CFAP44: variants seen among roughly 807,000 people sequenced by gnomAD.
The protein encoded by CFAP44 is cilia and flagella associated protein 44.
A neutral mutation model predicts 216.2 loss-of-function variants in CFAP44; 134 were observed. That is an observed-to-expected ratio of 0.62 (90% CI 0.54 to 0.72). CFAP44 has a LOEUF of 0.72. Among genes scored for constraint, CFAP44 ranks in the 30% least tolerant of loss-of-function variants. The probability of loss-of-function intolerance (pLI) is 0.00; values close to 1 mark genes in which losing one functional copy is unlikely to be tolerated. For missense variants in CFAP44, 2,035 were observed against 2,182.1 expected (o/e 0.93, Z 1.34); for synonymous variants, 700 against 727.6 (o/e 0.96, Z 0.61).
intron 18 of CFAP44, 117 bp from the exon 19 acceptor site, chr3:113,366,426 C>G: frequency 8.1e-7 from 1 of 1,241,776 alleles, no homozygotes; most frequent in East Asian, 2.5e-5. Flanking sequence ...GAATTGTACA[C>G]CCCTAAAATT....
chr3:113,374,356 C>T (rs1367801260), intron 17 of CFAP44, among the ~76,000 whole-genome samples: 1 of 132,914 alleles, frequency 7.5e-6, no homozygotes, highest in Non-Finnish European at 1.6e-5. Context: ...GAGCAACTGT[C>T]AATTTCTTTT....
At chr3:113,440,475 T>C (rs1419740399) in intron 1 of CFAP44, among the ~76,000 whole-genome samples, 5 of 152,118 alleles carry the variant, frequency 3.3e-5, no homozygotes, top group South Asian at 2.1e-4. Flanking sequence ...CCAATTCATG[T>C]AGATGATTTC....
chr3:113,423,636 A>G (rs1252369955), intron 4 of CFAP44, among the ~76,000 whole-genome samples: 1 of 152,200 alleles, frequency 6.6e-6, no homozygotes, highest in African/African-American at 2.4e-5. Flanking sequence ...CTTCACTTTA[A>G]AATTGTTTAA....
chr3:113,287,547 A>C lies in CFAP44; in HGVS notation c.*4010T>G, dbSNP rs1275321459. On this transcript the variant is annotated 3_prime_UTR_variant, in exon 35 of 35. Coordinates refer to ENST00000393845, the MANE Select transcript of CFAP44 (RefSeq NM_001164496.2). ...GAAAATACCCACTTACAATATTTTC[A>C]GGTCCATCAGAAATGAGATCTGAAA... 1 of 153,038 alleles carries C rather than the reference A, an allele frequency of 6.5e-6. No individual in the cohort carries two copies. The highest frequency in any genetic ancestry group is 1.5e-5 in the Non-Finnish European group (1 of 68,368). The allele number at this position is 153,038 out of a possible 1,614,324, so 9.5% of individuals were successfully genotyped here. A position where few individuals can be genotyped will look rare whatever the true frequency, so the allele number is the denominator to read the frequency against.
intron 22 of CFAP44, among the ~76,000 whole-genome samples, chr3:113,353,453 T>TACACACACACAC (rs34714015): frequency 8.5e-5 from 12 of 141,828 alleles, no homozygotes; most frequent in East Asian, 8.3e-4. Flanking sequence ...TATGTATGAA[T>TACACACACACAC]ACACACACAC....
At position 113,366,311 on chromosome 3, in the gene CFAP44, T is replaced by A; in HGVS notation, c.2445-2A>T. The A allele has an allele frequency of 1.3e-6, 2 of 1,585,342 alleles. No homozygotes were observed. Among genetic ancestry groups the A allele is most frequent in the Admixed American group, 1.7e-5 (1 of 57,150 alleles). Reference sequence around the variant, plus strand: ...CAAAACATCATAACTTTGTTAATGCTACGAAACAAAAAATGTAAATTGTTC... The same window carrying A: ...CAAAACATCATAACTTTGTTAATGCAACGAAACAAAAAATGTAAATTGTTC... On this transcript the variant is annotated splice_acceptor_variant, in intron 18 of 34. Transcript: ENST00000393845. LOFTEE classifies it high-confidence loss of function.
At position 113,377,068 on chromosome 3, in the gene CFAP44, A is replaced by T. The variant is rs1933367142; in HGVS notation, c.2298+2238T>A. ...CTATAGGGTGTTACATCTAATTGAG[A>T]CAAGAAAAGGAAATTCCATCTGCTT... On this transcript the variant is annotated intron_variant, in intron 17 of 34. Transcript: ENST00000393845. 3.3e-5 allele frequency among the ~76,000 whole-genome samples: 5 copies of T among 152,348 alleles called. No homozygotes were observed. In the South Asian group the frequency reaches 1.0e-3, roughly 32 times the overall value.
intron 14 of CFAP44, among the ~76,000 whole-genome samples, chr3:113,396,307 TA>T (rs1221743304): frequency 6.6e-6 from 1 of 152,204 alleles, no homozygotes; most frequent in Non-Finnish European, 1.5e-5. Flanking sequence ...AGAATATTTT[TA>T]AGTGTTATTC....
In CFAP44 at chr3:113,400,547, T is replaced by A; in HGVS notation, c.1472A>T (p.Asp491Val). The A allele has an allele frequency of 6.3e-7, 1 of 1,599,624 alleles. No individual in the cohort carries two copies. The highest frequency in any genetic ancestry group is 8.5e-7 in the Non-Finnish European group (1 of 1,173,968). ...LTYLMATTAL[D>V]CSVRIYDFAS... ...TTTTATTAAGAGTTCCTACTTACAG[T>A]CCAAGGCAGTTGTGGCCATGAGATA... The change falls in exon 12 of 35, where the codon GAC (aspartate) becomes GTC (valine). Residue 491 changes from aspartate (D) to valine (V), a missense_variant and splice_region_variant. This residue lies in a region of CFAP44 where 1,883 missense variants were observed against 2,023.7 expected (regional missense o/e 0.93). Coordinates refer to ENST00000393845, the MANE Select transcript of CFAP44 (RefSeq NM_001164496.2).
In CFAP44 at chr3:113,287,598, G is replaced by GT. The variant is rs1949781581; in HGVS notation, c.*3958dup. On this transcript the variant is annotated 3_prime_UTR_variant, in exon 35 of 35. Coordinates refer to ENST00000393845, the MANE Select transcript of CFAP44 (RefSeq NM_001164496.2). ...AAGGTAGTAAATGTTTCTCTTTTTT[G>GT]TTTTTTAAAACAGTGAATGTCAGTT... 1 of 152,376 alleles carries GT rather than the reference G, an allele frequency of 6.6e-6. No homozygotes were observed. The highest frequency in any genetic ancestry group is 2.1e-4 in the South Asian group (1 of 4,834). 9.4% of individuals were successfully genotyped at this position (152,376 alleles called of 1,614,324 possible).
chr3:113,325,381 T>G (rs1249937782), intron 28 of CFAP44, among the ~76,000 whole-genome samples: 1 of 151,884 alleles, frequency 6.6e-6, no homozygotes, highest in Non-Finnish European at 1.5e-5. Flanking sequence ...TACTGAATAC[T>G]AGTATACAAT....
intron 34 of CFAP44, among the ~76,000 whole-genome samples, chr3:113,292,126 C>T (rs1423102631): frequency 6.6e-6 from 1 of 152,140 alleles, no homozygotes; most frequent in East Asian, 1.9e-4. Context: ...TTTCCCTGTC[C>T]AGCTGACTCC....
intron 34 of CFAP44, among the ~76,000 whole-genome samples, chr3:113,292,408 C>T (rs950623713): frequency 1.8e-4 from 27 of 152,192 alleles, no homozygotes; most frequent in Admixed American, 6.5e-5. Context: ...AAACAGGGCT[C>T]CATATGACTA....
intron 16 of CFAP44, 44 bp downstream of exon 16, chr3:113,380,855 G>A: frequency 6.9e-7 from 1 of 1,439,474 alleles, no homozygotes; most frequent in Non-Finnish European, 9.2e-7. Context: ...ATATTCTAAG[G>A]AAAGGAAATT....
At chr3:113,423,105 C>CTTTTTTTTTTTTTTTTTTTTTTTTTTT (rs72395986) in intron 4 of CFAP44, among the ~76,000 whole-genome samples, 1 of 79,158 alleles carries the variant, frequency 1.3e-5, no homozygotes, top group Non-Finnish European at 2.3e-5. Flanking sequence ...CTGATCCTTC[C>CTTTTTTTTTTTTTTTTTTTTTTTTTTT]TTTTTTTTTT....
At position 113,441,454 on chromosome 3, in the gene CFAP44, G is replaced by A; in HGVS notation, c.-7C>T. On this transcript the variant is annotated splice_region_variant and 5_prime_UTR_variant, in exon 1 of 35. Coordinates refer to ENST00000393845, the MANE Select transcript of CFAP44 (RefSeq NM_001164496.2). ...CCGGCTGCTGAGGTCCAAACTCACC[G>A]AAGGTACTGACCGCCGCGGCTCCTC... The A allele has an allele frequency of 1.0e-6, 1 of 985,426 alleles. No homozygotes were observed. The highest frequency in any genetic ancestry group is 1.2e-6 in the Non-Finnish European group (1 of 830,074). The allele number at this position is 985,426 out of a possible 1,614,324, so 61.0% of individuals were successfully genotyped here. A position where few individuals can be genotyped will look rare whatever the true frequency, so the allele number is the denominator to read the frequency against.
Position 113,379,443 on chromosome 3 carries a change from C to A in CFAP44, c.2161G>T (p.Glu721Ter), listed in dbSNP as rs1192539668. 1.2e-6 allele frequency: 2 copies of A among 1,612,928 alleles called. No homozygotes were observed. Among genetic ancestry groups the A allele is most frequent in the African/African-American group, 1.3e-5 (1 of 75,020 alleles). The change falls in exon 17 of 35, where the codon GAA becomes TAA. Residue 721 changes from glutamate to a stop codon, truncating the protein, a stop_gained. Transcript: ENST00000393845. LOFTEE classifies it high-confidence loss of function. ...TTCTCCTCTTCCTCCTCCTGAAATTCTTTTTCTCCATCTTCTCCCATCTCT... is the reference window on the plus strand; with the variant it reads ...TTCTCCTCTTCCTCCTCCTGAAATTATTTTTCTCCATCTTCTCCCATCTCT... ...AAEMGEDGEK[E>*]FQEEEEEKEE...
chr3:113,337,795 G>T (rs1044384479), intron 24 of CFAP44, among the ~76,000 whole-genome samples: 24 of 152,048 alleles, frequency 1.6e-4, no homozygotes, highest in African/African-American at 5.6e-4. Flanking sequence ...TTAAAAATTA[G>T]CTTAAATATA....
chr3:113,345,814 C>A (rs1462500232), intron 22 of CFAP44, among the ~76,000 whole-genome samples: 1 of 152,156 alleles, frequency 6.6e-6, no homozygotes, highest in East Asian at 1.9e-4. Context: ...ATTGATTATT[C>A]CTAGCTTGTT....
Sources: allele counts gnomAD v4.1 joint callset (sites outside exome capture counted in the v4.1 genomes callset), GRCh38; gene constraint gnomAD v4.1.1; regional missense constraint gnomAD v4.1.1; transcripts MANE v1.5; gene names NCBI Gene and HGNC (gene_info 2026-07-23, HGNC 2026-07-21).